The following RAVER2 variants were observed in gnomAD, a reference collection of about 807,000 sequenced individuals.
RAVER2 encodes ribonucleoprotein, PTB binding 2.
In RAVER2, 46 loss-of-function variants were observed where a neutral mutation model predicts 78.1. The ratio of observed to expected loss-of-function variants is 0.59; its 90% CI spans 0.46 to 0.75. The LOEUF is 0.75. Ranked by LOEUF, RAVER2 falls within the 30% of genes least tolerant of loss-of-function variation. The pLI is 0.00. For missense variants in RAVER2, 793 were observed against 837.5 expected, an observed-to-expected ratio of 0.95 and a Z score of 0.66; for synonymous variants, 311 against 313.3, an observed-to-expected ratio of 0.99 and a Z score of 0.08.
At chr1:64,810,527 C>T (rs1321655547) in intron 9 of RAVER2, among the ~76,000 whole-genome samples, 1 of 152,158 alleles carries the variant, frequency 6.6e-6, no homozygotes, top group East Asian at 1.9e-4. Context: ...TCCCAAAGGC[C>T]CCACCTTCTA....
intron 11 of RAVER2, among the ~76,000 whole-genome samples, chr1:64,826,857 G>A (rs1256873093): frequency 1.3e-5 from 2 of 152,170 alleles, no homozygotes; most frequent in African/African-American, 2.4e-5. Context: ...GGAAGCTGGA[G>A]TCAGTGGGGT....
chr1:64,763,852 G>A (rs1050146899), intron 1 of RAVER2, among the ~76,000 whole-genome samples: 1 of 149,832 alleles, frequency 6.7e-6, no homozygotes, highest in South Asian at 2.1e-4. Flanking sequence ...GCGGTGAGCC[G>A]AGATCACACC....
chr1:64,784,415 T>A (rs922949590), intron 4 of RAVER2, among the ~76,000 whole-genome samples: 4 of 152,124 alleles, frequency 2.6e-5, no homozygotes, highest in African/African-American at 9.7e-5. Flanking sequence ...AGCTCTCTAC[T>A]ACCTTGAATT....
At chr1:64,762,892 G>T (rs977750948) in intron 1 of RAVER2, among the ~76,000 whole-genome samples, 2 of 152,140 alleles carry the variant, frequency 1.3e-5, no homozygotes, top group Non-Finnish European at 2.9e-5. Context: ...ATGGGACTTT[G>T]GCAAAATTAA....
chr1:64,790,016 C>T (rs1652891702), intron 5 of RAVER2, among the ~76,000 whole-genome samples: 1 of 152,154 alleles, frequency 6.6e-6, no homozygotes, highest in African/African-American at 2.4e-5. Context: ...TTTATAATAT[C>T]AGTATACATT....
exon 7 of RAVER2, chr1:64,804,790 A>G (rs377261219): frequency 6.4e-7 from 1 of 1,551,934 alleles, no homozygotes; most frequent in Non-Finnish European, 8.9e-7. Flanking sequence ...CTCATATACC[A>G]CTGGCACAAC....
chr1:64,818,409 G>C (rs559897232), intron 11 of RAVER2, among the ~76,000 whole-genome samples: 1 of 152,048 alleles, frequency 6.6e-6, no homozygotes. Context: ...GGTGGTGGGC[G>C]CCTGTAGTCC....
chr1:64,831,979 T>C (rs990406074), exon 12 of RAVER2: 1 of 152,250 alleles, frequency 6.6e-6, no homozygotes, highest in African/African-American at 2.4e-5. Context: ...CATTTATATA[T>C]AGTTTGCTGA....
chr1:64,833,046 G>A (rs1480734429), exon 12 of RAVER2: 3 of 176,514 alleles, frequency 1.7e-5, no homozygotes, highest in Non-Finnish European at 2.4e-5. Context: ...CCTGTGCCCC[G>A]TTATCAATCA....
intron 4 of RAVER2, among the ~76,000 whole-genome samples, chr1:64,785,465 G>A (rs985676849): frequency 1.3e-5 from 2 of 151,732 alleles, no homozygotes. Context: ...CGCCTGCCGG[G>A]TTCAAGCGAC....
At chr1:64,747,514 C>CA (rs1310600326) in intron 1 of RAVER2, among the ~76,000 whole-genome samples, 139 of 144,168 alleles carry the variant, frequency 9.6e-4, no homozygotes, top group African/African-American at 2.9e-3. Flanking sequence ...TTCTTTCTTT[C>CA]TTTTTTTTTT....
intron 1 of RAVER2, among the ~76,000 whole-genome samples, chr1:64,764,820 C>A (rs530654146): frequency 6.6e-6 from 1 of 152,326 alleles, no homozygotes; most frequent in South Asian, 2.1e-4. Flanking sequence ...ACTTCTTGCT[C>A]ATAAGGCCTT....
At chr1:64,830,730 T>G (rs530717034) in intron 11 of RAVER2, 109 bp from the exon 12 acceptor site, 1 of 1,002,136 alleles carries the variant, frequency 1.0e-6, no homozygotes, top group Non-Finnish European at 1.5e-6. Flanking sequence ...GTATTTATCC[T>G]GTTATTCTAT....
In RAVER2 at chr1:64,777,504, A is replaced by T. The variant is rs1652498291; in HGVS notation, c.317-119A>T. 3.9e-6 allele frequency: 3 copies of T among 779,058 alleles called. No individual in the cohort carries two copies. The Admixed American group carries it at 8.7e-5, about 23-fold the overall frequency. The allele number at this position is 779,058 out of a possible 1,614,324, so 48.3% of individuals were successfully genotyped here. On this transcript the variant is annotated intron_variant, in intron 2 of 11. Coordinates refer to ENST00000294428, the Ensembl canonical transcript of RAVER2. ...GCATATAGTAGGGGTATTAACTTATAATTTTGTTTCAGAAAAAAGGTGTAT... is the reference window on the plus strand; with the variant it reads ...GCATATAGTAGGGGTATTAACTTATTATTTTGTTTCAGAAAAAAGGTGTAT...
intron 5 of RAVER2, among the ~76,000 whole-genome samples, chr1:64,801,847 A>G (rs1319253864): frequency 6.6e-6 from 1 of 152,192 alleles, no homozygotes; most frequent in African/African-American, 2.4e-5. Flanking sequence ...CAGCCTGGGC[A>G]ATAGAGTGTG....
At chr1:64,761,329 C>A (rs544954290) in intron 1 of RAVER2, among the ~76,000 whole-genome samples, 3 of 152,050 alleles carry the variant, frequency 2.0e-5, no homozygotes, top group Admixed American at 1.3e-4. Flanking sequence ...TGCGTTGGGC[C>A]CCCCCCAAAA....
intron 4 of RAVER2, among the ~76,000 whole-genome samples, chr1:64,789,056 A>G (rs1010842270): frequency 3.9e-5 from 6 of 152,080 alleles, no homozygotes; most frequent in African/African-American, 1.4e-4. Flanking sequence ...TGTAGTATCA[A>G]AGTATCCATA....
chr1:64,807,126 A>G (rs1653460620), intron 8 of RAVER2, 80 bp from the exon 9 acceptor site: 1 of 1,471,188 alleles, frequency 6.8e-7, no homozygotes, highest in African/African-American at 1.4e-5. Flanking sequence ...CATTTTGCTC[A>G]TAACTTAACA....
chr1:64,794,186 G>A (rs754654494), intron 5 of RAVER2, among the ~76,000 whole-genome samples: 2 of 151,850 alleles, frequency 1.3e-5, no homozygotes, highest in East Asian at 1.9e-4. Context: ...CGAGGCGAGC[G>A]GATCACGAGG....
Sources: gnomAD v4.1 joint callset for allele counts (sites outside exome capture counted in the v4.1 genomes callset) on GRCh38, gnomAD v4.1.1 for gene constraint, MANE v1.5 for transcripts, NCBI Gene and HGNC (gene_info 2026-07-23, HGNC 2026-07-21) for gene names.